SPON1: variants seen among roughly 807,000 people sequenced by gnomAD.
SPON1 encodes the protein spondin 1.
A neutral mutation model predicts 111.7 loss-of-function variants in SPON1; 52 were observed. That is an observed-to-expected ratio of 0.47 (90% CI 0.37 to 0.59). SPON1 has a LOEUF of 0.59. Ranked by LOEUF, SPON1 falls within the 20% of genes least tolerant of loss-of-function variation. The pLI is 0.00. For synonymous variants in SPON1, 410 were observed against 395.8 expected, an observed-to-expected ratio of 1.04 and a Z score of -0.43; for missense variants, 957 against 1,068.5, an observed-to-expected ratio of 0.90 and a Z score of 1.46.
At chr11:14,258,920 G>C (rs1849140090) in intron 11 of SPON1, among the ~76,000 whole-genome samples, 2 of 152,202 alleles carry the variant, frequency 1.3e-5, no homozygotes, top group African/African-American at 4.8e-5. Flanking sequence ...CCCTTCCACA[G>C]GGAAGGATTG....
At chr11:14,099,885 C>G (rs1236332857) in intron 5 of SPON1, among the ~76,000 whole-genome samples, 1 of 152,010 alleles carries the variant, frequency 6.6e-6, no homozygotes, top group Non-Finnish European at 1.5e-5. Context: ...GAGTGAGGGA[C>G]AGAGGGAAGA....
At chr11:14,240,143 T>C (rs1848909864) in intron 6 of SPON1, among the ~76,000 whole-genome samples, 1 of 152,182 alleles carries the variant, frequency 6.6e-6, no homozygotes, top group African/African-American at 2.4e-5. Flanking sequence ...TACATAACTC[T>C]CTGCATACAT....
rs528166166 is a variant in SPON1 at position 14,260,796 on chromosome 11, G to C, written c.1996+44G>C. ...CAAGGCCCATCACTTCTATGTTCCTGAGTCCAGGGAGCCCCGAACCAGCCA... is the reference window on the plus strand; with the variant it reads ...CAAGGCCCATCACTTCTATGTTCCTCAGTCCAGGGAGCCCCGAACCAGCCA... On this transcript the variant is annotated intron_variant, in intron 14 of 15. Coordinates refer to ENST00000576479, the MANE Select transcript of SPON1 (RefSeq NM_006108.4). The C allele has an allele frequency of 3.2e-5, 51 of 1,582,582 alleles. 1 individual carries two copies. The South Asian group carries it at 5.7e-4, about 18-fold the overall frequency.
intron 3 of SPON1, among the ~76,000 whole-genome samples, chr11:14,056,263 TAAGCTCTAAAC>T (rs1848743952): frequency 6.6e-6 from 1 of 152,192 alleles, no homozygotes. Context: ...TGGCACAGAA[TAAGCTCTAAAC>T]AAGGCTATAT....
Position 13,962,898 on chromosome 11 carries a change from C to A in SPON1, c.-7C>A. 1 of 1,507,518 alleles carries A rather than the reference C, an allele frequency of 6.6e-7. No homozygotes were observed. The highest frequency in any genetic ancestry group is 1.3e-5 in the South Asian group (1 of 78,728). The allele number at this position is 1,507,518 out of a possible 1,614,324, so 93.4% of individuals were successfully genotyped here. ...GCGGCCGCGGCACAAAGTTGGGGGC[C>A]GCGAAGATGAGGCTGTCCCCGGCGC... On this transcript the variant is annotated 5_prime_UTR_variant, in exon 1 of 16. Coordinates refer to ENST00000576479, the MANE Select transcript of SPON1 (RefSeq NM_006108.4).
rs146212930 is a variant in SPON1, at chr11:14,095,211, G to A, written c.676+15190G>A. ...TGAGAGGAATTGTTAGCTTTATAAT[G>A]TTTAGCTTGTCTAGTTTTTTCCCAT... On this transcript the variant is annotated intron_variant, in intron 5 of 15. Transcript: ENST00000576479. Among the ~76,000 whole-genome samples the A allele has an allele frequency of 9.2e-3, 1,398 of 152,214 alleles. 21 individuals carry two copies. Among genetic ancestry groups the A allele is most frequent in the South Asian group, 0.068 (329 of 4,822 alleles).
intron 3 of SPON1, among the ~76,000 whole-genome samples, chr11:14,048,806 T>G (rs1397222132): frequency 6.6e-6 from 1 of 152,216 alleles, no homozygotes; most frequent in Non-Finnish European, 1.5e-5. Flanking sequence ...AAGTTTTATC[T>G]CATGAAGTGA....
At chr11:14,172,230 C>G (rs1848112227) in intron 6 of SPON1, among the ~76,000 whole-genome samples, 1 of 151,820 alleles carries the variant, frequency 6.6e-6, no homozygotes, top group African/African-American at 2.4e-5. Context: ...TGAATTGATC[C>G]CTTTACTATT....
At chr11:14,224,520 T>C (rs1848716095) in intron 6 of SPON1, among the ~76,000 whole-genome samples, 2 of 152,186 alleles carry the variant, frequency 1.3e-5, no homozygotes, top group African/African-American at 4.8e-5. Flanking sequence ...AGAGGCTGGT[T>C]CCTTTGCTTA....
intron 5 of SPON1, among the ~76,000 whole-genome samples, chr11:14,122,474 G>A (rs1847402495): frequency 1.3e-5 from 2 of 152,126 alleles, no homozygotes; most frequent in Admixed American, 1.3e-4. Flanking sequence ...TGCCCGGCCT[G>A]TCTCTTCAAA....
intron 3 of SPON1, among the ~76,000 whole-genome samples, chr11:14,069,561 C>T (rs546219927): frequency 3.3e-5 from 5 of 152,062 alleles, no homozygotes; most frequent in Non-Finnish European, 7.4e-5. Flanking sequence ...ACATTGATTT[C>T]CAGTTTCCTT....
chr11:14,219,783 G>T (rs1848661509), intron 6 of SPON1, among the ~76,000 whole-genome samples: 1 of 152,114 alleles, frequency 6.6e-6, no homozygotes, highest in African/African-American at 2.4e-5. Flanking sequence ...GACTTAGATA[G>T]CTCCATGATG....
At chr11:14,226,309 A>G (rs1328139263) in intron 6 of SPON1, among the ~76,000 whole-genome samples, 1 of 152,240 alleles carries the variant, frequency 6.6e-6, no homozygotes, top group Non-Finnish European at 1.5e-5. Context: ...GTTACTTCCC[A>G]GTGAACCCAC....
At chr11:14,112,111 A>G (rs902700765) in intron 5 of SPON1, among the ~76,000 whole-genome samples, 65 of 144,260 alleles carry the variant, frequency 4.5e-4, no homozygotes, top group African/African-American at 1.5e-3. Context: ...TTGCAGGGGA[A>G]AAAAAAAAAA....
chr11:13,976,199 A>G (rs1564877310), intron 1 of SPON1, among the ~76,000 whole-genome samples: 1 of 152,174 alleles, frequency 6.6e-6, no homozygotes, highest in Non-Finnish European at 1.5e-5. Context: ...TACTCACAAG[A>G]TGGCTCTGAA....
intron 2 of SPON1, among the ~76,000 whole-genome samples, chr11:14,035,984 G>T (rs1848591754): frequency 6.6e-6 from 1 of 152,112 alleles, no homozygotes; most frequent in Non-Finnish European, 1.5e-5. Context: ...GTGATGAAAT[G>T]ATGACTATTT....
At chr11:14,070,781 G>A (rs998392979) in intron 3 of SPON1, among the ~76,000 whole-genome samples, 2 of 152,020 alleles carry the variant, frequency 1.3e-5, no homozygotes, top group Non-Finnish European at 2.9e-5. Flanking sequence ...ACCCCAACAG[G>A]CAGATTCCCT....
chr11:14,215,535 G>A (rs1554937086), intron 6 of SPON1, among the ~76,000 whole-genome samples: 1 of 152,138 alleles, frequency 6.6e-6, no homozygotes, highest in Non-Finnish European at 1.5e-5. Context: ...GGTCCTCAAA[G>A]GCAGTATTAC....
At chr11:14,235,125 C>T (rs1554939087) in intron 6 of SPON1, among the ~76,000 whole-genome samples, 1 of 152,172 alleles carries the variant, frequency 6.6e-6, no homozygotes, top group African/African-American at 2.4e-5. Context: ...ACTGCTCCTC[C>T]AGCGCCTCCA....
Sources: allele counts gnomAD v4.1 joint callset (sites outside exome capture counted in the v4.1 genomes callset), GRCh38; gene constraint gnomAD v4.1.1; transcripts MANE v1.5; gene names NCBI Gene and HGNC (gene_info 2026-07-23, HGNC 2026-07-21).